DAB2: variants seen among roughly 807,000 people sequenced by gnomAD.
DAB2 encodes the protein DAB adaptor protein 2.
Under a neutral mutation model 71.6 loss-of-function variants are expected in DAB2, and 28 were observed. The observed-to-expected ratio is 0.39, with a 90% CI of 0.29 to 0.54. The LOEUF is 0.54. Ranked by LOEUF, DAB2 falls within the 20% of genes least tolerant of loss-of-function variation. The pLI is 0.68. For synonymous variants in DAB2, 345 were observed against 339.7 expected, an observed-to-expected ratio of 1.02 and a Z score of -0.17; for missense variants, 867 against 928.8, an observed-to-expected ratio of 0.93 and a Z score of 0.86.
intron 2 of DAB2, among the ~76,000 whole-genome samples, chr5:39,393,990 A>C (rs1755296600): frequency 6.6e-6 from 1 of 152,244 alleles, no homozygotes; most frequent in Non-Finnish European, 1.5e-5. Flanking sequence ...ACAAGATGCC[A>C]TGACTGTTTC....
At chr5:39,410,863 T>C (rs1285826555) in intron 1 of DAB2, among the ~76,000 whole-genome samples, 4 of 152,110 alleles carry the variant, frequency 2.6e-5, no homozygotes, top group Middle Eastern at 3.2e-3. Context: ...GGCTAGAAAT[T>C]GTATTGAGTA....
chr5:39,384,303 G>T (rs191235013), intron 9 of DAB2, among the ~76,000 whole-genome samples: 136 of 152,270 alleles, frequency 8.9e-4, no homozygotes, highest in African/African-American at 3.2e-3. Flanking sequence ...ACATGATAAA[G>T]TTTAATTTAT....
In DAB2 at chr5:39,389,125, T is replaced by C. The variant is rs1178989482; in HGVS notation, c.544-2A>G. 1 of 1,610,442 alleles carries C rather than the reference T, an allele frequency of 6.2e-7. No individual in the cohort carries two copies. The highest frequency in any genetic ancestry group is 8.5e-7 in the Non-Finnish European group (1 of 1,177,402). On this transcript the variant is annotated splice_acceptor_variant, in intron 6 of 14. Coordinates refer to ENST00000320816, the MANE Select transcript of DAB2 (RefSeq NM_001343.4). LOFTEE classifies it high-confidence loss of function. ...AACTGCTTTGCTGGCTTCCTCTATC[T>C]AAAAAGAAAGATACATATTCAGTGA... is the stretch of plus-strand genomic sequence containing the variant.
chr5:39,393,932 T>C (rs1755295292), intron 2 of DAB2, among the ~76,000 whole-genome samples: 1 of 152,184 alleles, frequency 6.6e-6, no homozygotes, highest in Non-Finnish European at 1.5e-5. Context: ...GGTAAATAAA[T>C]AACTGAATGA....
chr5:39,392,509 C>T (rs1340854536), intron 3 of DAB2, 46 bp from the exon 4 acceptor site: 4 of 1,367,612 alleles, frequency 2.9e-6, no homozygotes, highest in African/African-American at 2.9e-5. Flanking sequence ...TTAAAAACAT[C>T]CTACAATGGT....
rs1166188195 is a variant in DAB2 at position 39,389,142 on chromosome 5, A to T, written c.544-19T>A. 6.2e-7 allele frequency: 1 copy of T among 1,602,706 alleles called. No homozygotes were observed. Among genetic ancestry groups the T allele is most frequent in the African/African-American group, 1.3e-5 (1 of 74,628 alleles). ...CCTCTATCTAAAAAGAAAGATACAT[A>T]TTCAGTGATCTTCATATTCATAGTG... is the stretch of plus-strand genomic sequence containing the variant. On this transcript the variant is annotated intron_variant, in intron 6 of 14. Coordinates refer to ENST00000320816, the MANE Select transcript of DAB2 (RefSeq NM_001343.4).
At chr5:39,409,497 G>A (rs1336664234) in intron 1 of DAB2, among the ~76,000 whole-genome samples, 1 of 152,126 alleles carries the variant, frequency 6.6e-6, no homozygotes, top group Non-Finnish European at 1.5e-5. Context: ...ATAAAACACC[G>A]ACTTAATATC....
At chr5:39,416,844 A>G (rs1343180413) in intron 1 of DAB2, among the ~76,000 whole-genome samples, 1 of 152,142 alleles carries the variant, frequency 6.6e-6, no homozygotes, top group Non-Finnish European at 1.5e-5. Context: ...TCTGTTAATG[A>G]GCAGTGCGCT....
At position 39,382,780 on chromosome 5, in the gene DAB2, G is replaced by A. The variant is rs770211636; in HGVS notation, c.1179C>T (p.Ser393=). Residue 393 remains serine, a synonymous_variant, in exon 10 of 15, where the codon TCC becomes TCT. Transcript: ENST00000320816. Reference sequence around the variant, plus strand: ...GGCTTCCCACAAAAGGGTTCGGGGAGGATTTGACAGAGAAGCCGTTCTGTT... The same window carrying A: ...GGCTTCCCACAAAAGGGTTCGGGGAAGATTTGACAGAGAAGCCGTTCTGTT... ...EREQNGFSVK[S]SPNPFVGSPP... 1.2e-6 allele frequency: 2 copies of A among 1,614,138 alleles called. No homozygotes were observed. Among genetic ancestry groups the A allele is most frequent in the South Asian group, 2.2e-5 (2 of 91,078 alleles).
intron 11 of DAB2, 142 bp downstream of exon 11, chr5:39,381,312 G>A: frequency 1.3e-6 from 1 of 776,128 alleles, no homozygotes; most frequent in Non-Finnish European, 2.0e-6. Context: ...GGGTTGTATA[G>A]TAGAAGTGGG....
chr5:39,383,615 G>T (rs1355077851), intron 9 of DAB2, among the ~76,000 whole-genome samples: 1 of 152,156 alleles, frequency 6.6e-6, no homozygotes, highest in African/African-American at 2.4e-5. Context: ...GACTTTGAAA[G>T]TCTTAAAGGG....
At chr5:39,406,361 A>G (rs1004844552) in intron 1 of DAB2, among the ~76,000 whole-genome samples, 1 of 152,146 alleles carries the variant, frequency 6.6e-6, no homozygotes, top group Admixed American at 6.5e-5. Context: ...TCTACTGAGC[A>G]CTTCCCATAC....
intron 1 of DAB2, among the ~76,000 whole-genome samples, chr5:39,416,797 G>A (rs960865486): frequency 5.9e-5 from 9 of 152,012 alleles, no homozygotes; most frequent in Non-Finnish European, 1.0e-4. Context: ...TTTGGGATCC[G>A]AAAATTATTT....
In DAB2 at chr5:39,422,840, A is replaced by C. The variant is rs1159310730; in HGVS notation, c.-102+1964T>G. ...TTGGAGAAAGACAACAAACAGGCCT[A>C]ATGCACAGGAATTTGGACTTCCAGT... On this transcript the variant is annotated intron_variant, in intron 1 of 14. Transcript: ENST00000320816. This position sits in a 1 kb window ranked among gnomAD's most constrained non-coding sequence, Gnocchi z 4.1. Among the ~76,000 whole-genome samples the C allele has an allele frequency of 6.6e-6, 1 of 152,236 alleles. No homozygotes were observed. The highest frequency in any genetic ancestry group is 1.5e-5 in the Non-Finnish European group (1 of 68,048).
At chr5:39,391,193 G>A (rs1408926668) in intron 4 of DAB2, among the ~76,000 whole-genome samples, 1 of 152,048 alleles carries the variant, frequency 6.6e-6, no homozygotes, top group Non-Finnish European at 1.5e-5. Flanking sequence ...AATTATAAGG[G>A]GTGGGGACTG....
At chr5:39,404,063 T>C (rs1319364722) in intron 1 of DAB2, among the ~76,000 whole-genome samples, 1 of 152,042 alleles carries the variant, frequency 6.6e-6, no homozygotes, top group Non-Finnish European at 1.5e-5. Flanking sequence ...TCTCTGCTAT[T>C]GTGAATAGTG....
intron 9 of DAB2, chr5:39,387,873 C>A (rs1231336295): frequency 6.4e-6 from 1 of 155,094 alleles, no homozygotes; most frequent in Non-Finnish European, 1.4e-5. Flanking sequence ...AACTGAGCCA[C>A]TTGTTTGTTT....
At chr5:39,419,836 A>G (rs1286246933) in intron 1 of DAB2, among the ~76,000 whole-genome samples, 2 of 152,232 alleles carry the variant, frequency 1.3e-5, no homozygotes, top group Non-Finnish European at 2.9e-5. Context: ...CATACTTGGT[A>G]TATGGGAAAA....
chr5:39,402,524 C>T (rs1755526510), intron 1 of DAB2, among the ~76,000 whole-genome samples: 1 of 152,160 alleles, frequency 6.6e-6, no homozygotes, highest in Admixed American at 6.5e-5. Context: ...TCAAGTGATT[C>T]TCCTGCCTCA....
Sources: gnomAD v4.1 joint callset for allele counts (sites outside exome capture counted in the v4.1 genomes callset) on GRCh38, gnomAD v4.1.1 for gene constraint, Gnocchi (gnomAD v3.1) non-coding constraint, MANE v1.5 for transcripts, NCBI Gene and HGNC (gene_info 2026-07-23, HGNC 2026-07-21) for gene names.